Variants in NHSL3 observed in about 807,000 individuals in gnomAD.
NHSL3 encodes NHS-like protein 3.
At chr1:32,755,348 G>C in the NHSL3 span, among the ~76,000 whole-genome samples, 1 of 152,188 alleles carries the variant, frequency 6.6e-6, no homozygotes, top group Non-Finnish European at 1.5e-5. Flanking sequence ...GCTGTGGTGG[G>C]AGAATCTACG....
the NHSL3 span, among the ~76,000 whole-genome samples, chr1:32,760,183 G>A: frequency 2.0e-5 from 3 of 152,240 alleles, no homozygotes; most frequent in African/African-American, 4.8e-5. Context: ...GGAGTAGGGA[G>A]TTGGGGGCTG....
the NHSL3 span, among the ~76,000 whole-genome samples, chr1:32,763,004 G>T: frequency 2.2e-5 from 3 of 136,528 alleles, no homozygotes; most frequent in African/African-American, 8.4e-5. Flanking sequence ...TTTTTGAGAC[G>T]GAGTCTCTCT....
chr1:32,769,938 C>T, the NHSL3 span: 16 of 1,607,304 alleles, frequency 1.0e-5, no homozygotes, highest in Admixed American at 6.7e-5. Flanking sequence ...CACGGGATGC[C>T]GTACGCATCC....
At chr1:32,743,849 C>A in the NHSL3 span, among the ~76,000 whole-genome samples, 2 of 152,254 alleles carry the variant, frequency 1.3e-5, no homozygotes, top group Non-Finnish European at 2.9e-5. Context: ...TGATTTGAGC[C>A]CACGTGCATG....
the NHSL3 span, chr1:32,772,086 G>A: frequency 5.6e-6 from 9 of 1,612,894 alleles, no homozygotes; most frequent in East Asian, 2.2e-5. Context: ...CTGCCTCAAC[G>A]GCCAGTTTCA....
the NHSL3 span, among the ~76,000 whole-genome samples, chr1:32,763,129 C>G: frequency 1.3e-5 from 2 of 151,882 alleles, no homozygotes; most frequent in Non-Finnish European, 2.9e-5. Context: ...TACAGGTACA[C>G]ACCACCACCA....
the NHSL3 span, among the ~76,000 whole-genome samples, chr1:32,760,707 C>T: frequency 1.3e-5 from 2 of 151,950 alleles, no homozygotes; most frequent in Non-Finnish European, 2.9e-5. Context: ...TCTCCTGCCT[C>T]AGCCTCCTGA....
the NHSL3 span, among the ~76,000 whole-genome samples, chr1:32,751,438 C>T: frequency 6.6e-6 from 1 of 152,190 alleles, no homozygotes; most frequent in African/African-American, 2.4e-5. Context: ...ATGTGCTGAG[C>T]CTGGGGTTAC....
chr1:32,771,539 T>TC, the NHSL3 span: 1 of 1,600,060 alleles, frequency 6.2e-7, no homozygotes, highest in Non-Finnish European at 8.5e-7. Context: ...ATGGCTGACT[T>TC]CCCCCCACCA....
the NHSL3 span, among the ~76,000 whole-genome samples, chr1:32,763,866 G>A: frequency 2.6e-5 from 4 of 151,948 alleles, no homozygotes; most frequent in South Asian, 4.2e-4. Flanking sequence ...GAGCCACCGC[G>A]CCTGGCTGAT....
At chr1:32,771,715 A>G in the NHSL3 span, 1 of 1,613,120 alleles carries the variant, frequency 6.2e-7, no homozygotes, top group African/African-American at 1.3e-5. Flanking sequence ...AGCTCCTGCT[A>G]GTTCCGCCCC....
At chr1:32,768,847 T>G in the NHSL3 span, 1 of 1,541,206 alleles carries the variant, frequency 6.5e-7, no homozygotes, top group Non-Finnish European at 8.8e-7. Flanking sequence ...CTTTTCCTCC[T>G]TATCCAGTGT....
the NHSL3 span, among the ~76,000 whole-genome samples, chr1:32,759,174 T>C: frequency 2.6e-5 from 4 of 152,088 alleles, no homozygotes; most frequent in African/African-American, 7.2e-5. Context: ...CACTAGATTG[T>C]GTGGCTTTCT....
chr1:32,768,908 C>A, the NHSL3 span: 1 of 1,107,096 alleles, frequency 9.0e-7, no homozygotes, highest in Non-Finnish European at 1.3e-6. Context: ...TACCCTGTGT[C>A]CTCTTGCACA....
chr1:32,759,952 C>T, the NHSL3 span, among the ~76,000 whole-genome samples: 17 of 152,322 alleles, frequency 1.1e-4, no homozygotes, highest in South Asian at 4.1e-4. Context: ...TTTTGAGAAC[C>T]GTAAAGTGCC....
At chr1:32,772,962 GAGAGGATACAGCAGAC>G in the NHSL3 span, 15 of 1,437,100 alleles carry the variant, frequency 1.0e-5, no homozygotes, top group Admixed American at 3.3e-5. Context: ...CTCCAAGGAC[GAGAGGATACAGCAGAC>G]ACAACCTAAT....
At chr1:32,751,894 G>A in the NHSL3 span, among the ~76,000 whole-genome samples, 1 of 152,166 alleles carries the variant, frequency 6.6e-6, no homozygotes. Context: ...TTCTTGTGAA[G>A]GCCAAGGAAC....
At chr1:32,754,703 T>G in the NHSL3 span, among the ~76,000 whole-genome samples, 1 of 152,080 alleles carries the variant, frequency 6.6e-6, no homozygotes, top group East Asian at 1.9e-4. Context: ...CAGCAGACCC[T>G]AAGGCACTCG....
chr1:32,771,398 C>T, the NHSL3 span: 3 of 1,580,568 alleles, frequency 1.9e-6, no homozygotes, highest in Middle Eastern at 1.7e-4. Context: ...TATCATCCAC[C>T]CCCACCACCC....
Sources: allele counts gnomAD v4.1 joint callset (sites outside exome capture counted in the v4.1 genomes callset), GRCh38; gene constraint gnomAD v4.1.1; transcripts MANE v1.5; gene names NCBI Gene and HGNC (gene_info 2026-07-23, HGNC 2026-07-21).